Variants in ZNF883 observed in about 807,000 individuals in gnomAD.
The protein encoded by ZNF883 is zinc finger protein 883.
chr9:112,990,310 G>A (rs10981586), intron 1 of ZNF883, among the ~76,000 whole-genome samples: 6,153 of 152,178 alleles, frequency 0.04, 404 homozygotes, highest in African/African-American at 0.14. Context: ...TTTATTGAGA[G>A]TTTTTAACAT....
intron 2 of ZNF883, among the ~76,000 whole-genome samples, chr9:113,008,016 A>G (rs560440108): frequency 1.3e-5 from 2 of 152,312 alleles, no homozygotes; most frequent in South Asian, 4.1e-4. Context: ...ATTTTGTACA[A>G]AGATTTTCTT....
chr9:113,009,784 A>G (rs1409227321), intron 2 of ZNF883, among the ~76,000 whole-genome samples: 1 of 152,206 alleles, frequency 6.6e-6, no homozygotes, highest in African/African-American at 2.4e-5. Flanking sequence ...CTGGGATTAC[A>G]GGCATGAGCC....
chr9:113,011,305 A>T (rs1339270093), intron 1 of ZNF883, 78 bp from the exon 2 acceptor site: 1 of 152,004 alleles, frequency 6.6e-6, no homozygotes, highest in African/African-American at 2.4e-5. Flanking sequence ...TATAACCCAC[A>T]CCCTCTGTAA....
intron 2 of ZNF883, among the ~76,000 whole-genome samples, chr9:113,006,340 G>A (rs1413892503): frequency 6.6e-6 from 1 of 152,068 alleles, no homozygotes; most frequent in Non-Finnish European, 1.5e-5. Flanking sequence ...TCGACCCCTT[G>A]TTTAGCATAT....
intron 2 of ZNF883, among the ~76,000 whole-genome samples, chr9:113,007,596 C>T (rs1303341910): frequency 3.3e-5 from 5 of 152,210 alleles, no homozygotes; most frequent in Non-Finnish European, 5.9e-5. Context: ...ACTGTAAGTT[C>T]CTTTCTCTTT....
chr9:112,997,548 CAT>C (rs1410822434), exon 1 of ZNF883: 22 of 1,613,996 alleles, frequency 1.4e-5, no homozygotes, highest in Non-Finnish European at 1.9e-5. Flanking sequence ...GCATTACACT[CAT>C]AGGGTTTTTC....
At chr9:113,001,793 C>T (rs1714313208), upstream of ZNF883, among the ~76,000 whole-genome samples, 1 of 152,112 alleles carries the variant, frequency 6.6e-6, no homozygotes, top group Admixed American at 6.6e-5. Flanking sequence ...AAGTAGTCTT[C>T]AGGAATTCTG....
downstream of ZNF883, among the ~76,000 whole-genome samples, chr9:112,993,660 G>A (rs559300708): frequency 6.6e-6 from 1 of 152,216 alleles, no homozygotes; most frequent in Non-Finnish European, 1.5e-5. Context: ...AAAAGACTAA[G>A]TCTGTTGATC....
At chr9:112,997,464 CAT>C (rs1828373716) in exon 1 of ZNF883, 3 of 1,614,004 alleles carry the variant, frequency 1.9e-6, no homozygotes, top group African/African-American at 1.3e-5. Flanking sequence ...TCTTTACAAA[CAT>C]AGGGCTTCTC....
downstream of ZNF883, among the ~76,000 whole-genome samples, chr9:112,994,744 AC>A (rs1237270108): frequency 6.7e-6 from 1 of 149,308 alleles, no homozygotes; most frequent in Non-Finnish European, 1.5e-5. Flanking sequence ...TATTTCTCCT[AC>A]TTTTTTTTAA....
chr9:112,993,122 T>C (rs907447012), downstream of ZNF883, among the ~76,000 whole-genome samples: 1 of 152,228 alleles, frequency 6.6e-6, no homozygotes, highest in African/African-American at 2.4e-5. Context: ...TGGAGAGGTG[T>C]TGCAATCAAT....
intron 2 of ZNF883, among the ~76,000 whole-genome samples, chr9:113,010,589 G>A (rs1828523633): frequency 6.6e-6 from 1 of 152,136 alleles, no homozygotes; most frequent in Admixed American, 6.5e-5. Context: ...AGTACGTGAG[G>A]TGATGCATGT....
downstream of ZNF883, chr9:112,996,979 C>T: frequency 1.4e-6 from 1 of 714,560 alleles, no homozygotes; most frequent in Non-Finnish European, 2.1e-6. Context: ...CATAGTCCTT[C>T]TTCTCAGTAC....
chr9:112,998,580 C>T (rs530440518), upstream of ZNF883: 3 of 194,338 alleles, frequency 1.5e-5, no homozygotes, highest in African/African-American at 7.0e-5. Context: ...ATAAACAATT[C>T]ATAACTTTTA....
chr9:112,991,331 T>C (rs1013480356), intron 1 of ZNF883, among the ~76,000 whole-genome samples: 2 of 152,222 alleles, frequency 1.3e-5, no homozygotes, highest in African/African-American at 4.8e-5. Context: ...GATTTCTGCC[T>C]TAATTGTTTA....
At chr9:112,998,081 T>C (rs768254391) in exon 1 of ZNF883, 2 of 1,614,054 alleles carry the variant, frequency 1.2e-6, no homozygotes, top group East Asian at 2.2e-5. Context: ...ATGTATTCTT[T>C]GATGTTGAAC....
chr9:112,992,745 T>C (rs944704344), downstream of ZNF883, among the ~76,000 whole-genome samples: 7 of 152,218 alleles, frequency 4.6e-5, no homozygotes, highest in African/African-American at 9.6e-5. Flanking sequence ...CATAATCCCA[T>C]AGTTCTCAGA....
chr9:113,009,210 G>A (rs1189588156), intron 2 of ZNF883, among the ~76,000 whole-genome samples: 2 of 152,170 alleles, frequency 1.3e-5, no homozygotes, highest in Non-Finnish European at 2.9e-5. Flanking sequence ...TAATAGAGCT[G>A]AATAAACAAT....
chr9:112,999,208 T>G (rs1828397527), upstream of ZNF883: 1 of 152,094 alleles, frequency 6.6e-6, no homozygotes, highest in Non-Finnish European at 1.5e-5. Flanking sequence ...TATGATAAAA[T>G]GTAAAGTTTT....
Sources: allele counts gnomAD v4.1 joint callset (sites outside exome capture counted in the v4.1 genomes callset), GRCh38; gene constraint gnomAD v4.1.1; transcripts MANE v1.5; gene names NCBI Gene and HGNC (gene_info 2026-07-23, HGNC 2026-07-21).